FUBP1: variants seen among roughly 807,000 people sequenced by gnomAD.
FUBP1 encodes the protein far upstream element-binding protein 1.
A neutral mutation model predicts 94.9 loss-of-function variants in FUBP1; 16 were observed. The observed-to-expected ratio is 0.17, with a 90% CI of 0.11 to 0.26. FUBP1 has a LOEUF of 0.26. Ranked by LOEUF, FUBP1 falls within the 10% of genes least tolerant of loss-of-function variation. The pLI, the probability that FUBP1 is intolerant of heterozygous loss-of-function variation, is 1.00. For missense variants in FUBP1, 583 were observed against 808.6 expected (o/e 0.72, Z 3.38); for synonymous variants, 279 against 254.9 (o/e 1.09, Z -0.90).
chr1:77,953,676 G>A (rs1653931485), intron 18 of FUBP1, among the ~76,000 whole-genome samples: 1 of 151,786 alleles, frequency 6.6e-6, no homozygotes, highest in South Asian at 2.1e-4. Flanking sequence ...ATCTCTAACT[G>A]GCAGGGAAAT....
Position 77,946,495 on chromosome 1 carries a change from ATATT to A in FUBP1, c.*2267_*2270del, listed in dbSNP as rs1330366025. 2.5e-5 allele frequency: 5 copies of A among 200,198 alleles called. No homozygotes were observed. The highest frequency in any genetic ancestry group is 5.2e-5 in the Non-Finnish European group (5 of 96,734). 12.4% of individuals were successfully genotyped at this position (200,198 alleles called of 1,614,324 possible). On this transcript the variant is annotated 3_prime_UTR_variant, in exon 20 of 20. Transcript: ENST00000370768. ...ACAGGGACAACATTAATGTATTGAA[ATATT>A]TATTTATATATGTCCTTAGGTTGTG...
In FUBP1 at chr1:77,948,003, G is replaced by A. The variant is rs975808044; in HGVS notation, c.*763C>T. The A allele has an allele frequency of 1.6e-5, 16 of 1,028,828 alleles. No individual in the cohort carries two copies. Among genetic ancestry groups the A allele is most frequent in the South Asian group, 1.3e-4 (3 of 23,100 alleles). The allele number at this position is 1,028,828 out of a possible 1,614,324, so 63.7% of individuals were successfully genotyped here. ...AAAACTGTTTAAAATTAGTTATGCC[G>A]AAACAGTCTTGGAAATCAAGTATTA... On this transcript the variant is annotated 3_prime_UTR_variant, in exon 20 of 20. Coordinates refer to ENST00000370768, the MANE Select transcript of FUBP1 (RefSeq NM_003902.5).
chr1:77,969,977 C>T lies in FUBP1; in HGVS notation c.159G>A (p.Leu53=), dbSNP rs2102454583. ...CCCCATAACCATAGTCATTTGAATT[C>T]AGTGATGTCCCTGCATCACCTCCAA... ...AKIGGDAGTS[L]NSNDYGYGGQ... is the part of the protein sequence containing the mutation. The change falls in exon 2 of 20, where the codon CTG becomes CTA. Residue 53 remains leucine, a synonymous_variant. Transcript: ENST00000370768. The T allele has an allele frequency of 1.3e-6, 2 of 1,592,218 alleles. No individual in the cohort carries two copies. Among genetic ancestry groups the T allele is most frequent in the Non-Finnish European group, 1.7e-6 (2 of 1,165,390 alleles).
In FUBP1 at chr1:77,947,358, A is replaced by T; in HGVS notation, c.*1408T>A. 1 of 462,840 alleles carries T rather than the reference A, an allele frequency of 2.2e-6. No homozygotes were observed. The highest frequency in any genetic ancestry group is 4.4e-5 in the East Asian group (1 of 22,732). The allele number at this position is 462,840 out of a possible 1,614,324, so 28.7% of individuals were successfully genotyped here. A position where few individuals can be genotyped will look rare whatever the true frequency, so the allele number is the denominator to read the frequency against. On this transcript the variant is annotated 3_prime_UTR_variant, in exon 20 of 20. Coordinates refer to ENST00000370768, the MANE Select transcript of FUBP1 (RefSeq NM_003902.5). ...CAAGATATCAGCACTGTATTCCAAC[A>T]TAATATTCACACAACGTATGGCATT...
In FUBP1 at chr1:77,969,916, A is replaced by G. The variant is rs373477036; in HGVS notation, c.211+9T>C. 1.0e-5 allele frequency: 13 copies of G among 1,271,698 alleles called. No homozygotes were observed. Among genetic ancestry groups the G allele is most frequent in the Admixed American group, 9.3e-5 (5 of 53,950 alleles). 78.8% of individuals were successfully genotyped at this position (1,271,698 alleles called of 1,614,324 possible). ...AAAAACAATTTAAAATACTTAGAGT[A>G]TAACTTACCTCCATCTTCTAAAGGT... On this transcript the variant is annotated intron_variant, in intron 2 of 19. Coordinates refer to ENST00000370768, the MANE Select transcript of FUBP1 (RefSeq NM_003902.5).
chr1:77,959,691 C>T (rs1438082788), intron 16 of FUBP1, among the ~76,000 whole-genome samples: 5 of 152,032 alleles, frequency 3.3e-5, no homozygotes, highest in South Asian at 4.2e-4. Flanking sequence ...ACCACCCTGC[C>T]CGGCTAATTT....
At chr1:77,966,397 T>C (rs1030871255) in intron 7 of FUBP1, among the ~76,000 whole-genome samples, 2 of 152,110 alleles carry the variant, frequency 1.3e-5, no homozygotes, top group African/African-American at 2.4e-5. Flanking sequence ...ATGTCTGAGT[T>C]TTAAGTGTCA....
At chr1:77,967,775 G>C (rs1044778658) in intron 3 of FUBP1, 109 bp from the exon 4 acceptor site, 29 of 686,140 alleles carry the variant, frequency 4.2e-5, no homozygotes, top group Non-Finnish European at 1.2e-5. Flanking sequence ...CTAATGCACA[G>C]ACAACACCTT....
intron 18 of FUBP1, 54 bp downstream of exon 18, chr1:77,955,198 GAAT>G (rs2102297166): frequency 1.3e-6 from 1 of 776,504 alleles, no homozygotes; most frequent in East Asian, 2.6e-5. Context: ...TTCCTGAAGA[GAAT>G]AATTTGTTTC....
chr1:77,953,689 T>TA (rs544066254), intron 18 of FUBP1, among the ~76,000 whole-genome samples: 432 of 150,294 alleles, frequency 2.9e-3, no homozygotes, highest in Non-Finnish European at 4.7e-3. Context: ...AGGGAAATGG[T>TA]AAAAAAAAAT....
rs758227434 is a variant in FUBP1 at position 77,945,709 on chromosome 1, TA to T, written c.*3056del. 24 of 212,736 alleles carry T rather than the reference TA, an allele frequency of 1.1e-4. No homozygotes were observed. The highest frequency in any genetic ancestry group is 2.2e-4 in the Non-Finnish European group (23 of 105,080). The allele number at this position is 212,736 out of a possible 1,614,324, so 13.2% of individuals were successfully genotyped here. A position where few individuals can be genotyped will look rare whatever the true frequency, so the allele number is the denominator to read the frequency against. ...TTGTTGCAGAGATAAGCAGGAGTTT[TA>T]AAAGGATCAGCACATTTTAGAAATC... On this transcript the variant is annotated 3_prime_UTR_variant, in exon 20 of 20. Coordinates refer to ENST00000370768, the MANE Select transcript of FUBP1 (RefSeq NM_003902.5).
chr1:77,967,238 C>CA, intron 4 of FUBP1, 137 bp from the exon 5 acceptor site: 1 of 576,790 alleles, frequency 1.7e-6, no homozygotes, highest in South Asian at 2.6e-5. Context: ...AGACTCATGT[C>CA]AAAAAATATG....
At chr1:77,965,866 G>C (rs1356038077) in intron 7 of FUBP1, among the ~76,000 whole-genome samples, 1 of 152,220 alleles carries the variant, frequency 6.6e-6, no homozygotes, top group Non-Finnish European at 1.5e-5. Context: ...GGCCAACATG[G>C]TGAAACCCTG....
At chr1:77,976,134 C>T (rs577843376) in intron 1 of FUBP1, among the ~76,000 whole-genome samples, 9 of 152,304 alleles carry the variant, frequency 5.9e-5, no homozygotes, top group Middle Eastern at 3.4e-3. Flanking sequence ...AGAAAATAAA[C>T]TTAGGATTAG....
At chr1:77,979,132 C>T, upstream of FUBP1, 2 of 957,626 alleles carry the variant, frequency 2.1e-6, no homozygotes, top group East Asian at 2.7e-5. Context: ...CGTAAAGGGG[C>T]GGAGACTGAA....
intron 18 of FUBP1, among the ~76,000 whole-genome samples, chr1:77,953,271 C>G (rs1214446625): frequency 6.6e-6 from 1 of 152,110 alleles, no homozygotes; most frequent in Non-Finnish European, 1.5e-5. Context: ...AGGTGGATCA[C>G]CTGAGGTCAG....
At chr1:77,962,498 CAACACT>C (rs1337066315) in intron 14 of FUBP1, among the ~76,000 whole-genome samples, 1 of 152,110 alleles carries the variant, frequency 6.6e-6, no homozygotes, top group African/African-American at 2.4e-5. Context: ...AATCCTACAC[CAACACT>C]AATATCATGC....
intron 7 of FUBP1, 45 bp from the exon 8 acceptor site, chr1:77,965,276 A>C (rs763002298): frequency 2.3e-6 from 3 of 1,319,470 alleles, no homozygotes; most frequent in Non-Finnish European, 3.2e-6. Flanking sequence ...AGCATACCCA[A>C]GCTTATTCAA....
Position 77,956,573 on chromosome 1 carries a change from T to C in FUBP1, c.1704A>G (p.Gln568=). Residue 568 remains glutamine (Q), a splice_region_variant and synonymous_variant, in exon 17 of 20, where the codon CAA becomes CAG. Coordinates refer to ENST00000370768, the MANE Select transcript of FUBP1 (RefSeq NM_003902.5). ...ACATACAATAAGTTCTGTAGTTACC[T>C]TGTCCATTAGTTTGAGTTGTAGTTG... The part of the protein sequence containing the change: ...GAPTTTQTNG[Q]GDQQNPAPAG... The C allele has an allele frequency of 6.2e-7, 1 of 1,612,142 alleles. No individual in the cohort carries two copies. Among genetic ancestry groups the C allele is most frequent in the Non-Finnish European group, 8.5e-7 (1 of 1,178,318 alleles).
Sources: allele counts gnomAD v4.1 joint callset (sites outside exome capture counted in the v4.1 genomes callset), GRCh38; gene constraint gnomAD v4.1.1; transcripts MANE v1.5; gene names NCBI Gene and HGNC (gene_info 2026-07-23, HGNC 2026-07-21).